Variants in CADPS observed in about 807,000 individuals in gnomAD.
CADPS encodes the protein calcium-dependent secretion activator 1.
Under a neutral mutation model 167.3 loss-of-function variants are expected in CADPS, and 57 were observed. The observed-to-expected ratio is 0.34, with a 90% CI of 0.28 to 0.42. The LOEUF is 0.42. Ranked by LOEUF, CADPS falls within the 20% of genes least tolerant of loss-of-function variation. The probability of loss-of-function intolerance (pLI) is 1.00; values close to 1 mark genes in which losing one functional copy is unlikely to be tolerated. For synonymous variants in CADPS, 676 were observed against 635.3 expected (o/e 1.06, Z -0.96); for missense variants, 1,414 against 1,738.1 (o/e 0.81, Z 3.32).
chr3:62,602,595 T>C lies in CADPS; in HGVS notation c.1326-9847A>G, dbSNP rs1298125435. On this transcript the variant is annotated intron_variant, in intron 6 of 29. Transcript: ENST00000383710. The surrounding 1 kb of genome is among the most constrained non-coding windows in gnomAD (Gnocchi z 4.4). ...AATTGTGCCATCGCAGTGTGTCTCA[T>C]GCAAACTAATTGATAGGCTGGGCTT... is the stretch of plus-strand genomic sequence containing the variant. Among the ~76,000 whole-genome samples, 5 of 152,190 alleles carry C rather than the reference T, an allele frequency of 3.3e-5. No individual in the cohort carries two copies. The highest frequency in any genetic ancestry group is 9.7e-5 in the African/African-American group (4 of 41,442).
chr3:62,591,355 T>C (rs1032004727), intron 7 of CADPS, among the ~76,000 whole-genome samples: 1 of 152,118 alleles, frequency 6.6e-6, no homozygotes, highest in Non-Finnish European at 1.5e-5. Context: ...AGATAGCAAA[T>C]GAAGGGGACT....
chr3:62,761,322 A>G (rs1309343133), intron 2 of CADPS, among the ~76,000 whole-genome samples: 1 of 152,060 alleles, frequency 6.6e-6, no homozygotes, highest in Non-Finnish European at 1.5e-5. Context: ...TGCAACATTC[A>G]AAGCTAGTGT....
chr3:62,757,415 T>C (rs547418733), intron 2 of CADPS, among the ~76,000 whole-genome samples: 1 of 152,262 alleles, frequency 6.6e-6, no homozygotes, highest in East Asian at 1.9e-4. Flanking sequence ...TACTGCTTCT[T>C]AGTGCCTGAG....
At chr3:62,779,588 A>G (rs1181519645) in intron 1 of CADPS, 2 of 533,812 alleles carry the variant, frequency 3.7e-6, no homozygotes, top group Non-Finnish European at 7.7e-6. Context: ...TCTGCTGGGC[A>G]CTGTGTGGAA....
intron 1 of CADPS, among the ~76,000 whole-genome samples, chr3:62,820,798 T>TTG (rs2094875135): frequency 6.7e-6 from 1 of 150,342 alleles, no homozygotes; most frequent in African/African-American, 2.5e-5. Context: ...TTTTTTGGTT[T>TTG]TTTTTTTTTT....
chr3:62,556,820 T>C (rs1381039497), intron 10 of CADPS, among the ~76,000 whole-genome samples: 1 of 151,904 alleles, frequency 6.6e-6, no homozygotes, highest in Non-Finnish European at 1.5e-5. Context: ...AGGGCTTCAT[T>C]GTCTCTGCTT....
intron 7 of CADPS, among the ~76,000 whole-genome samples, chr3:62,590,715 T>C (rs936826172): frequency 3.9e-5 from 6 of 152,246 alleles, no homozygotes; most frequent in Non-Finnish European, 7.4e-5. Flanking sequence ...GCCTGTGTGC[T>C]TGTCTGGGGT....
Position 62,550,121 on chromosome 3 carries a change from A to G in CADPS, c.1754-6T>C, listed in dbSNP as rs372017906. 254 of 1,610,496 alleles carry G rather than the reference A, an allele frequency of 1.6e-4. 1 individual carries two copies. The highest frequency in any genetic ancestry group is 1.6e-3 in the East Asian group (70 of 44,818). ...GGCTCGGCCACCCTCCAAACCTGGA[A>G]GAAAAGGGAGTAACAACTTCTACTA... is the stretch of plus-strand genomic sequence containing the variant. On this transcript the variant is annotated splice_polypyrimidine_tract_variant and splice_region_variant and intron_variant, in intron 10 of 29. Coordinates refer to ENST00000383710, the MANE Select transcript of CADPS (RefSeq NM_003716.4).
At chr3:62,532,588 C>T (rs947453900) in intron 13 of CADPS, among the ~76,000 whole-genome samples, 2 of 152,064 alleles carry the variant, frequency 1.3e-5, no homozygotes, top group Non-Finnish European at 2.9e-5. Flanking sequence ...AATTACCAAC[C>T]AGGGTTATTG....
At chr3:62,775,137 A>T (rs1384450968) in intron 1 of CADPS, among the ~76,000 whole-genome samples, 2 of 152,056 alleles carry the variant, frequency 1.3e-5, no homozygotes, top group Non-Finnish European at 2.9e-5. Context: ...TCCCAGGTTC[A>T]AGCGATTCTC....
intron 6 of CADPS, among the ~76,000 whole-genome samples, chr3:62,623,857 C>T (rs2063565018): frequency 6.6e-6 from 1 of 152,036 alleles, no homozygotes; most frequent in East Asian, 1.9e-4. Flanking sequence ...AAAAAGAATT[C>T]TTGGCTAAAA....
Position 62,874,217 on chromosome 3 carries a change from T to C in CADPS, c.441+372A>G, listed in dbSNP as rs902353207. The stretch of plus-strand genomic sequence containing the variant: ...GCAGCCGCCCGCCGCTGGAGAGCGC[T>C]GGGAGCCCTGCAAGCGAGCAAGGCC... On this transcript the variant is annotated intron_variant, in intron 1 of 29. Transcript: ENST00000383710. The surrounding 1 kb of genome is among the most constrained non-coding windows in gnomAD (Gnocchi z 7.1). 3.3e-5 allele frequency among the ~76,000 whole-genome samples: 5 copies of C among 151,990 alleles called. No homozygotes were observed. The highest frequency in any genetic ancestry group is 1.2e-4 in the African/African-American group (5 of 41,402).
At chr3:62,852,918 A>T (rs1321080836) in intron 1 of CADPS, among the ~76,000 whole-genome samples, 2 of 152,242 alleles carry the variant, frequency 1.3e-5, no homozygotes, top group Non-Finnish European at 2.9e-5. Flanking sequence ...TGTTACTGTT[A>T]TTTCCAATAT....
chr3:62,679,991 TA>T (rs907178248), intron 3 of CADPS, among the ~76,000 whole-genome samples: 1 of 151,798 alleles, frequency 6.6e-6, no homozygotes, highest in African/African-American at 2.4e-5. Flanking sequence ...ACTTTCCTTC[TA>T]AAAAAACTGT....
intron 1 of CADPS, among the ~76,000 whole-genome samples, chr3:62,786,730 A>G (rs2092471213): frequency 1.3e-5 from 2 of 152,308 alleles, no homozygotes; most frequent in South Asian, 4.1e-4. Context: ...AACTTAATTA[A>G]TCTGCTCTCA....
chr3:62,865,385 TAAAAAAAA>T lies in CADPS; in HGVS notation c.441+9196_441+9203del, dbSNP rs35780515. On this transcript the variant is annotated intron_variant, in intron 1 of 29. Coordinates refer to ENST00000383710, the MANE Select transcript of CADPS (RefSeq NM_003716.4). ...ATGTGCTCCTGGAACACTTAAGGATTAAAAAAAAAAAAAAAAAAAAAAAAGTTAACTTC... is the reference window on the plus strand; with the variant it reads ...ATGTGCTCCTGGAACACTTAAGGATTAAAAAAAAAAAAAAAAGTTAACTTC... Among the ~76,000 whole-genome samples, 5 of 110,130 alleles carry T rather than the reference TAAAAAAAA, an allele frequency of 4.5e-5. No individual in the cohort carries two copies. The East Asian group carries it at 7.8e-4, about 17-fold the overall frequency. 72.2% of individuals were successfully genotyped at this position (110,130 alleles called of 152,430 possible).
intron 6 of CADPS, among the ~76,000 whole-genome samples, chr3:62,599,523 CATATATATTAT>C (rs1456473533): frequency 2.2e-5 from 2 of 92,086 alleles, no homozygotes; most frequent in African/African-American, 4.4e-5. Context: ...ATATATATTA[CATATATATTAT>C]ATATATTATA....
chr3:62,591,065 C>G (rs1017530783), intron 7 of CADPS, among the ~76,000 whole-genome samples: 1 of 152,030 alleles, frequency 6.6e-6, no homozygotes, highest in Non-Finnish European at 1.5e-5. Flanking sequence ...ACCATGTTGG[C>G]CAGGCTGGTC....
At chr3:62,496,181 T>C (rs2064759872) in intron 18 of CADPS, among the ~76,000 whole-genome samples, 2 of 152,018 alleles carry the variant, frequency 1.3e-5, no homozygotes, top group Admixed American at 1.3e-4. Flanking sequence ...AACCCTATGT[T>C]TAGTGTGCCA....
Sources: gnomAD v4.1 joint callset for allele counts (sites outside exome capture counted in the v4.1 genomes callset) on GRCh38, gnomAD v4.1.1 for gene constraint, Gnocchi (gnomAD v3.1) non-coding constraint, MANE v1.5 for transcripts, NCBI Gene and HGNC (gene_info 2026-07-23, HGNC 2026-07-21) for gene names.